The following LIMCH1 variants were observed in gnomAD, a reference collection of about 807,000 sequenced individuals.
LIMCH1 encodes LIM and calponin homology domains 1, also known as LIM and calponin homology domains-containing protein 1.
LIMCH1 carries 113 observed loss-of-function variants against 176.5 expected under a neutral mutation model. That is an observed-to-expected ratio of 0.64 (90% CI 0.55 to 0.75). The LOEUF (loss-of-function observed/expected upper bound fraction) is 0.75, where lower values mean the gene tolerates loss of function less well. LIMCH1 is among the 30% of genes least tolerant of loss of function. The probability of loss-of-function intolerance (pLI) is 0.00; values close to 1 mark genes in which losing one functional copy is unlikely to be tolerated. For missense variants in LIMCH1, 1,674 were observed against 1,814.9 expected (o/e 0.92, Z 1.41); for synonymous variants, 619 against 645.9 (o/e 0.96, Z 0.63).
intron 1 of LIMCH1, among the ~76,000 whole-genome samples, chr4:41,552,316 C>T (rs781202626): frequency 4.6e-5 from 7 of 152,102 alleles, no homozygotes; most frequent in South Asian, 2.1e-4. Flanking sequence ...AAAGAAGAAC[C>T]GTCTTCTCTT....
intron 1 of LIMCH1, among the ~76,000 whole-genome samples, chr4:41,549,619 A>G (rs2080098986): frequency 6.6e-6 from 1 of 152,200 alleles, no homozygotes; most frequent in Admixed American, 6.5e-5. Context: ...TAACCCAGCT[A>G]GCGTATGACA....
chr4:41,640,208 T>C (rs1270646762), intron 14 of LIMCH1, among the ~76,000 whole-genome samples: 1 of 152,230 alleles, frequency 6.6e-6, no homozygotes, highest in Non-Finnish European at 1.5e-5. Flanking sequence ...GCCCTGGTTA[T>C]TACTTTTCAA....
In LIMCH1 at chr4:41,676,775, TA is replaced by T. The variant is rs1423345059; in HGVS notation, c.3519+314del. Reference sequence around the variant, plus strand: ...AGTTGCCAGTCAATTTCCAGTCAAGTAGCAGTGGGAATGAATTATCTAAAAG... The same window carrying T: ...AGTTGCCAGTCAATTTCCAGTCAAGTGCAGTGGGAATGAATTATCTAAAAG... On this transcript the variant is annotated intron_variant, in intron 23 of 31. Coordinates refer to ENST00000503057, the MANE Select transcript of LIMCH1 (RefSeq NM_001330672.2). Among the ~76,000 whole-genome samples the T allele has an allele frequency of 3.9e-4, 59 of 152,216 alleles. 1 individual carries two copies. The highest frequency in any genetic ancestry group is 3.8e-3 in the Admixed American group (58 of 15,286).
At chr4:41,486,951 T>C (rs2069663521) in intron 1 of LIMCH1, among the ~76,000 whole-genome samples, 1 of 132,952 alleles carries the variant, frequency 7.5e-6, no homozygotes, top group Non-Finnish European at 1.6e-5. Context: ...CCAGCTGATA[T>C]ATATATATAC....
rs530262681 is a variant in LIMCH1, at chr4:41,474,465, C to T, written c.97-20071C>T. On this transcript the variant is annotated intron_variant, in intron 1 of 26. Coordinates refer to the LIMCH1 transcript ENST00000313860. The stretch of plus-strand genomic sequence containing the variant: ...TCGCACCACTGCTGTCCAGCCTGGG[C>T]GACAGAGTGAGACTCTGTGTCTCAA... Among the ~76,000 whole-genome samples the T allele has an allele frequency of 1.4e-4, 22 of 152,174 alleles. No homozygotes were observed. In the East Asian group the frequency reaches 4.1e-3, roughly 28 times the overall value.
chr4:41,415,318 A>G (rs73232194), intron 1 of LIMCH1, among the ~76,000 whole-genome samples: 2,847 of 152,300 alleles, frequency 0.019, 44 homozygotes, highest in Middle Eastern at 0.034. Flanking sequence ...AAGATGTATT[A>G]TTGGGAGGTG....
chr4:41,644,733 C>T lies in LIMCH1; in HGVS notation c.2253+107C>T. 3.6e-6 allele frequency: 5 copies of T among 1,378,482 alleles called. No homozygotes were observed. In the South Asian group the frequency reaches 6.0e-5, roughly 16 times the overall value. The allele number at this position is 1,378,482 out of a possible 1,614,324, so 85.4% of individuals were successfully genotyped here. On this transcript the variant is annotated intron_variant, in intron 15 of 31. Coordinates refer to ENST00000503057, the MANE Select transcript of LIMCH1 (RefSeq NM_001330672.2). The stretch of plus-strand genomic sequence containing the variant: ...AAAGCCATGCGGGGAAAGGGAGCCC[C>T]TAGAGGGTTTCAAAAGGTGACACGG...
chr4:41,455,714 C>G (rs564744157), intron 1 of LIMCH1, among the ~76,000 whole-genome samples: 1 of 152,334 alleles, frequency 6.6e-6, no homozygotes, highest in East Asian at 1.9e-4. Context: ...TGCTTCGACT[C>G]AGCGCACAAG....
intron 4 of LIMCH1, among the ~76,000 whole-genome samples, chr4:41,610,617 A>C (rs2091306560): frequency 6.6e-6 from 1 of 152,202 alleles, no homozygotes; most frequent in South Asian, 2.1e-4. Context: ...ATATATGAAC[A>C]CATTTAACCC....
At chr4:41,579,286 C>G (rs140029553) in intron 1 of LIMCH1, among the ~76,000 whole-genome samples, 74 of 152,222 alleles carry the variant, frequency 4.9e-4, no homozygotes, top group Middle Eastern at 6.8e-3. Context: ...AGAGTCTGGC[C>G]TAGTCATTGA....
At chr4:41,468,235 CT>C (rs1190852232) in intron 1 of LIMCH1, among the ~76,000 whole-genome samples, 2 of 123,886 alleles carry the variant, frequency 1.6e-5, no homozygotes, top group African/African-American at 3.1e-5. Context: ...CTCCCCTCCC[CT>C]CTCTCCCTCC....
rs532646769 is a variant in LIMCH1, at chr4:41,581,711, C to G, written c.-240-17209C>G. On this transcript the variant is annotated intron_variant, in intron 1 of 31. Transcript: ENST00000503057. ...GTCCCAGCTACTTGGGAGGTTGAGG[C>G]AGGAGAATCGTTTGAACCTGGGAGG... Among the ~76,000 whole-genome samples the G allele has an allele frequency of 2.0e-5, 3 of 146,666 alleles. No homozygotes were observed. The South Asian group carries it at 6.6e-4, about 32-fold the overall frequency.
In LIMCH1 at chr4:41,384,334, A is replaced by G. The variant is rs563468076; in HGVS notation, c.96+23398A>G. ...ATTCTCCTGCCTCAGCCTCCCTAGTAACTGGGACTACAGGTGCCTGCCACC... is the reference window on the plus strand; with the variant it reads ...ATTCTCCTGCCTCAGCCTCCCTAGTGACTGGGACTACAGGTGCCTGCCACC... On this transcript the variant is annotated intron_variant, in intron 1 of 26. Transcript: ENST00000313860. 3.3e-5 allele frequency among the ~76,000 whole-genome samples: 5 copies of G among 151,188 alleles called. No homozygotes were observed. In the South Asian group the frequency reaches 8.4e-4, roughly 25 times the overall value.
chr4:41,401,789 T>G (rs1448765617), intron 1 of LIMCH1, among the ~76,000 whole-genome samples: 1 of 152,196 alleles, frequency 6.6e-6, no homozygotes, highest in Non-Finnish European at 1.5e-5. Context: ...ATTCTATTTG[T>G]AGCAAGTGTG....
At chr4:41,564,790 G>A (rs1036998317) in intron 1 of LIMCH1, among the ~76,000 whole-genome samples, 1 of 152,206 alleles carries the variant, frequency 6.6e-6, no homozygotes, top group African/African-American at 2.4e-5. Flanking sequence ...ATCAGGTGGA[G>A]ATAATTGAAT....
chr4:41,501,998 C>T (rs960768358), intron 2 of LIMCH1, among the ~76,000 whole-genome samples: 1 of 150,666 alleles, frequency 6.6e-6, no homozygotes, highest in Non-Finnish European at 1.5e-5. Flanking sequence ...ATCAACCCAT[C>T]ACCCAGGTAT....
At chr4:41,408,380 A>G (rs1561274369) in intron 1 of LIMCH1, among the ~76,000 whole-genome samples, 1 of 152,164 alleles carries the variant, frequency 6.6e-6, no homozygotes, top group South Asian at 2.1e-4. Flanking sequence ...CTCTGACTTT[A>G]TGCAAATATA....
intron 1 of LIMCH1, among the ~76,000 whole-genome samples, chr4:41,485,163 G>A (rs546046067): frequency 6.6e-6 from 1 of 151,980 alleles, no homozygotes; most frequent in Non-Finnish European, 1.5e-5. Flanking sequence ...TTTCTTATTT[G>A]GATGGTTCAG....
At chr4:41,540,017 C>T (rs2078419346) in intron 1 of LIMCH1, among the ~76,000 whole-genome samples, 1 of 152,166 alleles carries the variant, frequency 6.6e-6, no homozygotes, top group African/African-American at 2.4e-5. Context: ...TCCTTCAGGA[C>T]ATAGTATGCA....
Sources: gnomAD v4.1 joint callset for allele counts (sites outside exome capture counted in the v4.1 genomes callset) on GRCh38, gnomAD v4.1.1 for gene constraint, MANE v1.5 for transcripts, NCBI Gene and HGNC (gene_info 2026-07-23, HGNC 2026-07-21) for gene names.